The following SLC39A11 variants were observed in gnomAD, a reference collection of about 807,000 sequenced individuals.
The protein encoded by SLC39A11 is zinc transporter ZIP11.
In SLC39A11, 33 loss-of-function variants were observed where a neutral mutation model predicts 36.1. The ratio of observed to expected loss-of-function variants is 0.91; its 90% CI spans 0.69 to 1.22. SLC39A11 has a LOEUF of 1.22. Among genes scored for constraint, SLC39A11 ranks in the 50% most tolerant of loss-of-function variants. The probability of loss-of-function intolerance (pLI) is 0.00; values close to 1 mark genes in which losing one functional copy is unlikely to be tolerated. For missense variants in SLC39A11, 432 were observed against 430.3 expected (o/e 1.00, Z -0.03); for synonymous variants, 166 against 170.3 (o/e 0.97, Z 0.20).
At chr17:72,663,059 C>T (rs554290556) in intron 7 of SLC39A11, among the ~76,000 whole-genome samples, 1 of 152,316 alleles carries the variant, frequency 6.6e-6, no homozygotes, top group South Asian at 2.1e-4. Flanking sequence ...AGACACAATT[C>T]TGAGTGAGAA....
intron 7 of SLC39A11, among the ~76,000 whole-genome samples, chr17:72,735,126 T>C (rs528429643): frequency 1.3e-5 from 2 of 152,176 alleles, no homozygotes; most frequent in Non-Finnish European, 2.9e-5. Context: ...ATGAATGACT[T>C]GGGAGTCTGA....
At chr17:72,864,703 A>G (rs2080215793) in intron 5 of SLC39A11, among the ~76,000 whole-genome samples, 1 of 152,180 alleles carries the variant, frequency 6.6e-6, no homozygotes, top group Non-Finnish European at 1.5e-5. Context: ...TCCTCCCACT[A>G]AAAAATTCCC....
intron 6 of SLC39A11, among the ~76,000 whole-genome samples, chr17:72,841,400 A>G (rs994820389): frequency 3.9e-5 from 6 of 152,322 alleles, no homozygotes; most frequent in Non-Finnish European, 8.8e-5. Context: ...TTGCAACAAC[A>G]TGGATGGAAC....
At chr17:72,717,090 GTATA>G (rs948349947) in intron 7 of SLC39A11, among the ~76,000 whole-genome samples, 1 of 136,850 alleles carries the variant, frequency 7.3e-6, no homozygotes, top group Middle Eastern at 3.8e-3. Context: ...ATGTATATAT[GTATA>G]TACTTATATG....
At chr17:72,696,318 C>G (rs915388721) in intron 7 of SLC39A11, among the ~76,000 whole-genome samples, 1 of 152,108 alleles carries the variant, frequency 6.6e-6, no homozygotes, top group Non-Finnish European at 1.5e-5. Context: ...TCCTCCACCC[C>G]ACAGGAGGGA....
At chr17:72,873,305 CAAG>C (rs1321074910) in intron 5 of SLC39A11, among the ~76,000 whole-genome samples, 1 of 152,108 alleles carries the variant, frequency 6.6e-6, no homozygotes. Context: ...TGATTCTGCA[CAAG>C]AAGATAGCTT....
intron 7 of SLC39A11, among the ~76,000 whole-genome samples, chr17:72,717,064 A>C (rs557449301): frequency 6.8e-6 from 1 of 148,126 alleles, no homozygotes; most frequent in South Asian, 2.1e-4. Flanking sequence ...ATATACATAT[A>C]TACACATATA....
At position 72,958,588 on chromosome 17, in the gene SLC39A11, C is replaced by T. The variant is rs1208763878; in HGVS notation, c.307-10713G>A. On this transcript the variant is annotated intron_variant, in intron 4 of 9. Coordinates refer to ENST00000255559, the MANE Select transcript of SLC39A11 (RefSeq NM_139177.4). ...GAAGATGGCCCGGCACAGTGGCTCA[C>T]ACCTGTAATCCCAGCACTTTGCGAG... 2.6e-5 allele frequency among the ~76,000 whole-genome samples: 4 copies of T among 152,302 alleles called. No individual in the cohort carries two copies. In the East Asian group the frequency reaches 7.7e-4, roughly 29 times the overall value.
intron 6 of SLC39A11, among the ~76,000 whole-genome samples, chr17:72,803,122 A>G (rs182002179): frequency 6.6e-6 from 1 of 152,382 alleles, no homozygotes; most frequent in East Asian, 1.9e-4. Context: ...TTAAATCTCA[A>G]TCCTCAGTGC....
At chr17:72,742,548 C>G (rs543643419) in intron 6 of SLC39A11, among the ~76,000 whole-genome samples, 1 of 152,254 alleles carries the variant, frequency 6.6e-6, no homozygotes, top group East Asian at 1.9e-4. Flanking sequence ...TGGGGAGAAA[C>G]CAAGCAAACT....
At chr17:73,026,350 T>C (rs1012443847) in intron 4 of SLC39A11, among the ~76,000 whole-genome samples, 31 of 151,478 alleles carry the variant, frequency 2.0e-4, no homozygotes, top group Admixed American at 2.0e-3. Context: ...ACCCCATCTC[T>C]ACTAAAAGTA....
Position 73,069,066 on chromosome 17 carries a change from C to T in SLC39A11, c.147+15742G>A, listed in dbSNP as rs971255912. Among the ~76,000 whole-genome samples the T allele has an allele frequency of 4.6e-5, 7 of 152,120 alleles. No homozygotes were observed. The South Asian group carries it at 6.2e-4, about 14-fold the overall frequency. On this transcript the variant is annotated intron_variant, in intron 3 of 9. Transcript: ENST00000255559. ...TATGTTGCCAACAGCCCTGTATTTT[C>T]CACTCTTATGCTTCCAATTTTCTGT...
At chr17:72,656,404 C>A (rs1205961143) in intron 7 of SLC39A11, among the ~76,000 whole-genome samples, 1 of 152,168 alleles carries the variant, frequency 6.6e-6, no homozygotes, top group Non-Finnish European at 1.5e-5. Context: ...CCATGGCAAC[C>A]TGTCACCGGA....
intron 6 of SLC39A11, among the ~76,000 whole-genome samples, chr17:72,741,544 G>A (rs1441457462): frequency 1.3e-5 from 2 of 152,110 alleles, no homozygotes; most frequent in Non-Finnish European, 2.9e-5. Context: ...GCATACAAAG[G>A]GCCACCAGTC....
At chr17:72,689,962 G>A (rs1371653202) in intron 7 of SLC39A11, among the ~76,000 whole-genome samples, 1 of 152,216 alleles carries the variant, frequency 6.6e-6, no homozygotes, top group Non-Finnish European at 1.5e-5. Context: ...CAAAGTGGGG[G>A]ATGTTCAAAG....
intron 5 of SLC39A11, among the ~76,000 whole-genome samples, chr17:72,867,775 C>T (rs2146321280): frequency 6.6e-6 from 1 of 152,124 alleles, no homozygotes; most frequent in African/African-American, 2.4e-5. Context: ...CACACACACA[C>T]ACACACACAC....
intron 3 of SLC39A11, among the ~76,000 whole-genome samples, chr17:73,073,010 T>C (rs1174354498): frequency 6.6e-6 from 1 of 152,082 alleles, no homozygotes; most frequent in African/African-American, 2.4e-5. Flanking sequence ...TGAAACTCCA[T>C]CTCTACTAAA....
intron 3 of SLC39A11, among the ~76,000 whole-genome samples, chr17:73,047,966 CAA>C (rs1165334910): frequency 7.3e-4 from 15 of 20,480 alleles, no homozygotes; most frequent in African/African-American, 2.4e-3. Context: ...GACTCCATCT[CAA>C]AAAAAAAAAA....
intron 7 of SLC39A11, among the ~76,000 whole-genome samples, chr17:72,726,159 G>C (rs2073922726): frequency 6.6e-6 from 1 of 152,226 alleles, no homozygotes; most frequent in Non-Finnish European, 1.5e-5. Context: ...CTGGGAGACT[G>C]AGTGCTGCCT....
Sources: gnomAD v4.1 joint callset for allele counts (sites outside exome capture counted in the v4.1 genomes callset) on GRCh38, gnomAD v4.1.1 for gene constraint, MANE v1.5 for transcripts, NCBI Gene and HGNC (gene_info 2026-07-23, HGNC 2026-07-21) for gene names.